SLC2A13: variants seen among roughly 807,000 people sequenced by gnomAD.
The protein encoded by SLC2A13 is solute carrier family 2 member 13.
A neutral mutation model predicts 64.4 loss-of-function variants in SLC2A13; 32 were observed. The observed-to-expected ratio is 0.50, with a 90% CI of 0.37 to 0.67. SLC2A13 has a LOEUF of 0.67. SLC2A13 is among the 30% of genes least tolerant of loss of function. The probability of loss-of-function intolerance (pLI) is 0.00; values close to 1 mark genes in which losing one functional copy is unlikely to be tolerated. For missense variants in SLC2A13, 743 were observed against 829.2 expected (o/e 0.90, Z 1.28); for synonymous variants, 338 against 327.1 (o/e 1.03, Z -0.36).
At chr12:39,798,752 C>T (rs1219979334) in intron 7 of SLC2A13, among the ~76,000 whole-genome samples, 4 of 152,074 alleles carry the variant, frequency 2.6e-5, no homozygotes, top group Non-Finnish European at 5.9e-5. Flanking sequence ...CTTTTGGAAA[C>T]ATAAAAATCT....
intron 7 of SLC2A13, chr12:39,829,414 T>TTTTTTTA (rs1942792172): frequency 1.3e-5 from 1 of 74,150 alleles, no homozygotes; most frequent in Non-Finnish European, 2.9e-5. Context: ...TTTTTTTTTT[T>TTTTTTTA]TCTTTTTTTT....
chr12:39,848,371 A>C (rs1212942384), intron 6 of SLC2A13, among the ~76,000 whole-genome samples: 1 of 152,220 alleles, frequency 6.6e-6, no homozygotes, highest in Non-Finnish European at 1.5e-5. Context: ...AAGGACATGA[A>C]CAGACACCTC....
At chr12:40,096,737 C>T (rs944926426) in intron 1 of SLC2A13, among the ~76,000 whole-genome samples, 4 of 151,622 alleles carry the variant, frequency 2.6e-5, no homozygotes, top group Non-Finnish European at 4.4e-5. Context: ...TACAGTATAC[C>T]CTATACATTA....
chr12:40,105,716 G>A lies in SLC2A13; in HGVS notation c.93C>T (p.Asp31=). The A allele has an allele frequency of 6.8e-7, 1 of 1,480,850 alleles. No homozygotes were observed. The highest frequency in any genetic ancestry group is 9.0e-7 in the Non-Finnish European group (1 of 1,115,810). The allele number at this position is 1,480,850 out of a possible 1,614,324, so 91.7% of individuals were successfully genotyped here. ...TGCACTCCCCGGCCGCGCTCGCCGC[G>A]TCCGGCTCCGGCTGCTTCCTGCGCC... ...GERRRKQPEP[D]AASAAGECSL... The change falls in exon 1 of 10, where the codon GAC becomes GAT. Residue 31 remains aspartate, a synonymous_variant. Coordinates refer to ENST00000280871, the MANE Select transcript of SLC2A13 (RefSeq NM_052885.4). This position sits in a 1 kb window ranked among gnomAD's most constrained non-coding sequence, Gnocchi z 4.2.
intron 7 of SLC2A13, among the ~76,000 whole-genome samples, chr12:39,821,790 C>CT (rs1450538605): frequency 2.0e-5 from 3 of 152,260 alleles, no homozygotes; most frequent in Middle Eastern, 3.4e-3. Context: ...GTGGATAAGA[C>CT]TGAATGGGCC....
In SLC2A13 at chr12:39,759,986, C is replaced by A. The variant is rs759654520; in HGVS notation, c.*40G>T. The A allele has an allele frequency of 2.6e-6, 4 of 1,511,158 alleles. No homozygotes were observed. The highest frequency in any genetic ancestry group is 2.3e-5 in the East Asian group (1 of 44,190). The allele number at this position is 1,511,158 out of a possible 1,614,324, so 93.6% of individuals were successfully genotyped here. On this transcript the variant is annotated 3_prime_UTR_variant, in exon 10 of 10. Coordinates refer to ENST00000280871, the MANE Select transcript of SLC2A13 (RefSeq NM_052885.4). ...GTCACCAATTGCTGTTCTTCTCCCC[C>A]CAGTTTGTTTAAATAACTAAATATA...
chr12:40,036,240 G>A (rs1298491657), intron 2 of SLC2A13, among the ~76,000 whole-genome samples: 1 of 152,106 alleles, frequency 6.6e-6, no homozygotes, highest in Non-Finnish European at 1.5e-5. Context: ...AATTCTGGCA[G>A]AAACATTTAT....
At chr12:39,855,695 A>G (rs1943590101) in intron 6 of SLC2A13, among the ~76,000 whole-genome samples, 1 of 152,198 alleles carries the variant, frequency 6.6e-6, no homozygotes, top group Admixed American at 6.5e-5. Flanking sequence ...AAAGTACTAT[A>G]TTCTTCGATT....
chr12:39,815,597 G>A (rs759751797), intron 7 of SLC2A13, among the ~76,000 whole-genome samples: 21 of 152,132 alleles, frequency 1.4e-4, no homozygotes, highest in Non-Finnish European at 2.5e-4. Context: ...TCTAGTTTGG[G>A]GGACGGTAAG....
intron 3 of SLC2A13, among the ~76,000 whole-genome samples, chr12:39,953,081 A>T (rs774157434): frequency 1.6e-4 from 25 of 152,350 alleles, no homozygotes; most frequent in Middle Eastern, 3.4e-3. Flanking sequence ...GAAGTCTATT[A>T]TAATCTTTGG....
chr12:39,809,411 C>T (rs544316132), intron 7 of SLC2A13, among the ~76,000 whole-genome samples: 184 of 152,126 alleles, frequency 1.2e-3, no homozygotes, highest in African/African-American at 3.8e-3. Flanking sequence ...AATTTCAGAA[C>T]GAGCTTGTCA....
intron 4 of SLC2A13, among the ~76,000 whole-genome samples, chr12:39,878,822 C>T (rs1454978104): frequency 6.6e-6 from 1 of 152,196 alleles, no homozygotes; most frequent in Non-Finnish European, 1.5e-5. Flanking sequence ...TAAAAGGAAG[C>T]CAGGTGCTAA....
chr12:39,954,807 T>C (rs1266678062), intron 3 of SLC2A13, among the ~76,000 whole-genome samples: 4 of 152,138 alleles, frequency 2.6e-5, no homozygotes. Context: ...ATCAAGAGAA[T>C]ATAACAATCC....
At chr12:39,798,622 G>T (rs767630497) in intron 7 of SLC2A13, among the ~76,000 whole-genome samples, 45 of 152,272 alleles carry the variant, frequency 3.0e-4, no homozygotes, top group African/African-American at 9.1e-4. Context: ...TCCTGTGTTT[G>T]GCCTCGTGGC....
chr12:39,916,990 AG>A (rs1455313024), intron 4 of SLC2A13, among the ~76,000 whole-genome samples: 1 of 152,126 alleles, frequency 6.6e-6, no homozygotes, highest in Non-Finnish European at 1.5e-5. Context: ...TAATTATACC[AG>A]CCCCTATTAA....
intron 3 of SLC2A13, among the ~76,000 whole-genome samples, chr12:39,964,752 A>G (rs1565565139): frequency 6.6e-6 from 1 of 152,180 alleles, no homozygotes; most frequent in Non-Finnish European, 1.5e-5. Flanking sequence ...ATCCCATCAT[A>G]TCCTATGTCA....
intron 3 of SLC2A13, among the ~76,000 whole-genome samples, chr12:39,999,458 G>A (rs765715044): frequency 7.2e-5 from 11 of 152,096 alleles, no homozygotes; most frequent in African/African-American, 1.9e-4. Context: ...ACAAACAGCC[G>A]CTCTGGGAGT....
intron 4 of SLC2A13, among the ~76,000 whole-genome samples, chr12:39,900,156 ACT>A (rs199919850): frequency 0.42 from 63,732 of 151,648 alleles, 13,752 homozygotes; most frequent in East Asian, 0.76. Flanking sequence ...CAGGCTAAAA[ACT>A]CTCAGTAAAT....
intron 7 of SLC2A13, among the ~76,000 whole-genome samples, chr12:39,783,394 G>C (rs542425406): frequency 3.0e-4 from 46 of 152,322 alleles, no homozygotes; most frequent in African/African-American, 1.1e-3. Context: ...CCAGCAATGG[G>C]ATGGCTGTGT....
Sources: gnomAD v4.1 joint callset for allele counts (sites outside exome capture counted in the v4.1 genomes callset) on GRCh38, gnomAD v4.1.1 for gene constraint, Gnocchi (gnomAD v3.1) non-coding constraint, MANE v1.5 for transcripts, NCBI Gene and HGNC (gene_info 2026-07-23, HGNC 2026-07-21) for gene names.